The following HLA-G variants were observed in gnomAD, a reference collection of about 807,000 sequenced individuals.
HLA-G encodes HLA class I histocompatibility antigen, alpha chain G.
In HLA-G, 34 loss-of-function variants were observed where a neutral mutation model predicts 39.3. The ratio of observed to expected loss-of-function variants is 0.86; its 90% CI spans 0.66 to 1.15. HLA-G has a LOEUF of 1.15. Ranked by LOEUF, HLA-G falls within the 50% of genes most tolerant of loss-of-function variation. HLA-G has a pLI of 0.00. For missense variants in HLA-G, 419 were observed against 456.4 expected (o/e 0.92, Z 0.75); for synonymous variants, 183 against 185.8 (o/e 0.99, Z 0.12).
chr6:29,828,632 A>G lies in HLA-G; in HGVS notation c.433A>G (p.Lys145Glu). The change falls in exon 3 of 7, where the codon AAG becomes GAG. Residue 145 changes from lysine to glutamate, a missense_variant. Transcript: ENST00000360323. ...RGYEQYAYDG[K>E]DYLALNEDLR... Reference sequence around the variant, plus strand: ...GTATGAACAGTATGCCTACGATGGCAAGGATTACCTCGCCCTGAACGAGGA... The same window carrying G: ...GTATGAACAGTATGCCTACGATGGCGAGGATTACCTCGCCCTGAACGAGGA... 6.2e-7 allele frequency: 1 copy of G among 1,613,202 alleles called. No individual in the cohort carries two copies. Among genetic ancestry groups the G allele is most frequent in the Non-Finnish European group, 8.5e-7 (1 of 1,180,008 alleles).
upstream of HLA-G, chr6:29,827,239 C>A: frequency 2.7e-6 from 1 of 371,994 alleles, no homozygotes. Flanking sequence ...AGTTAATAAA[C>A]AAAAAGCAAA....
chr6:29,830,549 C>T (rs1761185040), intron 6 of HLA-G, 139 bp downstream of exon 6: 2 of 839,930 alleles, frequency 2.4e-6, no homozygotes, highest in South Asian at 2.7e-5. Flanking sequence ...TTGTTCTACT[C>T]TAGGCAGTGA....
chr6:29,827,420 G>A (rs1437459129), upstream of HLA-G: 2 of 352,174 alleles, frequency 5.7e-6, no homozygotes, highest in South Asian at 2.2e-5. Flanking sequence ...AGGAGTGGGA[G>A]GCAGGGAGTC....
intron 5 of HLA-G, 54 bp downstream of exon 5, chr6:29,829,986 C>A: frequency 3.1e-6 from 4 of 1,306,564 alleles, no homozygotes; most frequent in Non-Finnish European, 4.4e-6. Context: ...CTGGGGGTTT[C>A]AAGCCCCAGG....
At chr6:29,830,468 T>TG in intron 6 of HLA-G, 58 bp downstream of exon 6, 1 of 1,468,234 alleles carries the variant, frequency 6.8e-7, no homozygotes, top group Non-Finnish European at 9.5e-7. Flanking sequence ...TGGGAGCCCA[T>TG]GGGGGAGCTC....
At position 29,828,087 on chromosome 6, in the gene HLA-G, G is replaced by A. The variant is rs773564444; in HGVS notation, c.114G>A (p.Arg38=). The change falls in exon 2 of 7, where the codon CGG becomes CGA. Residue 38 remains arginine, a synonymous_variant. Transcript: ENST00000360323. ...GGTATTTCAGCGCCGCCGTGTCCCGGCCCGGCCGCGGGGAGCCCCGCTTCA... is the reference window on the plus strand; with the variant it reads ...GGTATTTCAGCGCCGCCGTGTCCCGACCCGGCCGCGGGGAGCCCCGCTTCA... ...SMRYFSAAVS[R]PGRGEPRFIA... is the part of the protein sequence containing the mutation. 2 of 1,612,158 alleles carry A rather than the reference G, an allele frequency of 1.2e-6. No homozygotes were observed.
chr6:29,829,664 G>T lies in HLA-G; in HGVS notation c.866G>T (p.Gly289Val), dbSNP rs1761092499. 1 of 1,613,888 alleles carries T rather than the reference G, an allele frequency of 6.2e-7. No homozygotes were observed. Among genetic ancestry groups the T allele is most frequent in the African/African-American group, 1.3e-5 (1 of 74,982 alleles). ...QRYTCHVQHE[G>V]LPEPLMLRWK... ...TACACGTGCCATGTGCAGCATGAGG[G>T]GCTGCCGGAGCCCCTCATGCTGAGA... The change falls in exon 4 of 7, where the codon GGG becomes GTG. Residue 289 changes from glycine (G) to valine (V), a missense_variant. Transcript: ENST00000360323.
In HLA-G at chr6:29,828,635, G is replaced by T. The variant is rs1247569184; in HGVS notation, c.436G>T (p.Asp146Tyr). The T allele has an allele frequency of 8.7e-6, 14 of 1,613,136 alleles. No individual in the cohort carries two copies. Among genetic ancestry groups the T allele is most frequent in the Non-Finnish European group, 1.2e-5 (14 of 1,180,040 alleles). ...TGAACAGTATGCCTACGATGGCAAG[G>T]ATTACCTCGCCCTGAACGAGGACCT... ...GYEQYAYDGK[D>Y]YLALNEDLRS... The change falls in exon 3 of 7, where the codon GAT becomes TAT. Residue 146 changes from aspartate (D) to tyrosine (Y), a missense_variant. By Grantham distance (160) the Asp-to-Tyr change is radical. Coordinates refer to ENST00000360323, the MANE Select transcript of HLA-G (RefSeq NM_001384290.1).
At chr6:29,829,162 T>C (rs1761017170) in intron 3 of HLA-G, among the ~76,000 whole-genome samples, 2 of 152,110 alleles carry the variant, frequency 1.3e-5, no homozygotes, top group South Asian at 4.1e-4. Context: ...TGTGGGGGTC[T>C]GACTCCAGCT....
upstream of HLA-G, among the ~76,000 whole-genome samples, chr6:29,826,511 G>A (rs920903604): frequency 1.3e-5 from 2 of 152,158 alleles, no homozygotes; most frequent in African/African-American, 4.8e-5. Flanking sequence ...CACTCATGTA[G>A]CAGGTCATGG....
In HLA-G at chr6:29,827,852, T is replaced by C. The variant is rs770992838; in HGVS notation, c.8T>C (p.Val3Ala). The change falls in exon 1 of 7, where the codon GTC becomes GCC. Residue 3 changes from valine (V) to alanine (A), a missense_variant. By Grantham distance (64) the Val-to-Ala change is moderately conservative. Transcript: ENST00000360323. ...TCTCCCCAGACGCCAAGGATGGTGG[T>C]CATGGCGCCCCGAACCCTCTTCCTG... MV[V>A]MAPRTLFLLL... is the part of the protein sequence containing the mutation. The C allele has an allele frequency of 6.2e-7, 1 of 1,613,162 alleles. No homozygotes were observed. The highest frequency in any genetic ancestry group is 1.1e-5 in the South Asian group (1 of 91,040).
chr6:29,829,417 G>A lies in HLA-G; in HGVS notation c.620-1G>A. On this transcript the variant is annotated splice_acceptor_variant, in intron 3 of 6. Transcript: ENST00000360323. LOFTEE classifies it high-confidence loss of function. Reference sequence around the variant, plus strand: ...TTGAATTTTCTGACTCTTCCTTTCAGACCCCCCCAAGACACACGTGACCCA... The same window carrying A: ...TTGAATTTTCTGACTCTTCCTTTCAAACCCCCCCAAGACACACGTGACCCA... 9 of 1,612,794 alleles carry A rather than the reference G, an allele frequency of 5.6e-6. No individual in the cohort carries two copies. Among genetic ancestry groups the A allele is most frequent in the Non-Finnish European group, 7.6e-6 (9 of 1,179,230 alleles).
At chr6:29,828,494 G>T (rs1760908112) in intron 2 of HLA-G, 49 bp from the exon 3 acceptor site, 1 of 1,592,678 alleles carries the variant, frequency 6.3e-7, no homozygotes, top group Non-Finnish European at 8.6e-7. Context: ...GGTGGGTCCG[G>T]GCGAGGGCGA....
At chr6:29,830,170 C>G (rs1301394277) in intron 5 of HLA-G, among the ~76,000 whole-genome samples, 1 of 152,150 alleles carries the variant, frequency 6.6e-6, no homozygotes, top group African/African-American at 2.4e-5. Flanking sequence ...AATCACAGGT[C>G]AGGAGAAGGT....
Position 29,828,331 on chromosome 6 carries a change from C to T in HLA-G, c.343+15C>T. ...GAGCGAGGCCAGTGAGTAACTCCGGCCCAGGGAGCAGATCACGACCCCCAC... is the reference window on the plus strand; with the variant it reads ...GAGCGAGGCCAGTGAGTAACTCCGGTCCAGGGAGCAGATCACGACCCCCAC... On this transcript the variant is annotated intron_variant, in intron 2 of 6. Transcript: ENST00000360323. The T allele has an allele frequency of 6.3e-7, 1 of 1,594,662 alleles. No individual in the cohort carries two copies. Among genetic ancestry groups the T allele is most frequent in the Middle Eastern group, 1.7e-4 (1 of 5,992 alleles).
chr6:29,827,745 T>G, upstream of HLA-G: 7 of 1,193,122 alleles, frequency 5.9e-6, no homozygotes, highest in African/African-American at 1.5e-5. Flanking sequence ...CTCACTCCCA[T>G]TAGGTGACAG....
chr6:29,827,985 C>A, intron 1 of HLA-G, 62 bp from the exon 2 acceptor site: 1 of 1,590,876 alleles, frequency 6.3e-7, no homozygotes, highest in Non-Finnish European at 8.5e-7. Context: ...GGCGGGGGCG[C>A]AGGACTCGGC....
rs768569399 is a variant in HLA-G at position 29,828,300 on chromosome 6, C to T, written c.327C>T (p.Tyr109=). 1.7e-5 allele frequency: 28 copies of T among 1,612,880 alleles called. No homozygotes were observed. Among genetic ancestry groups the T allele is most frequent in the Admixed American group, 1.0e-4 (6 of 59,994 alleles). The change falls in exon 2 of 7, where the codon TAC becomes TAT. Residue 109 remains tyrosine, a synonymous_variant. Coordinates refer to ENST00000360323, the MANE Select transcript of HLA-G (RefSeq NM_001384290.1). ...RMNLQTLRGY[Y]NQSEASSHTL... Reference sequence around the variant, plus strand: ...ACCTGCAGACCCTGCGCGGCTACTACAACCAGAGCGAGGCCAGTGAGTAAC... The same window carrying T: ...ACCTGCAGACCCTGCGCGGCTACTATAACCAGAGCGAGGCCAGTGAGTAAC...
chr6:29,830,917 T>C lies in HLA-G; in HGVS notation c.*178T>C. ...AACTGCATTCCTTCCCCAATCACCT[T>C]TCCTGTTCCAGAAAAGGGGCTGGGA... On this transcript the variant is annotated 3_prime_UTR_variant, in exon 7 of 7. Coordinates refer to ENST00000360323, the MANE Select transcript of HLA-G (RefSeq NM_001384290.1). 1 of 291,632 alleles carries C rather than the reference T, an allele frequency of 3.4e-6. No homozygotes were observed. Among genetic ancestry groups the C allele is most frequent in the Non-Finnish European group, 7.2e-6 (1 of 137,988 alleles). 18.1% of individuals were successfully genotyped at this position (291,632 alleles called of 1,614,324 possible).
Sources: allele counts gnomAD v4.1 joint callset (sites outside exome capture counted in the v4.1 genomes callset), GRCh38; gene constraint gnomAD v4.1.1; transcripts MANE v1.5; gene names NCBI Gene and HGNC (gene_info 2026-07-23, HGNC 2026-07-21).